The following ZNF385C variants were observed in gnomAD, a reference collection of about 807,000 sequenced individuals.
The protein encoded by ZNF385C is zinc finger protein 385C.
In ZNF385C, 28 loss-of-function variants were observed where a neutral mutation model predicts 35.4. The observed-to-expected ratio is 0.79, with a 90% CI of 0.59 to 1.08. ZNF385C has a LOEUF of 1.08. ZNF385C is among the 50% of genes least tolerant of loss of function. The pLI, the probability that ZNF385C is intolerant of heterozygous loss-of-function variation, is 0.00. For synonymous variants in ZNF385C, 248 were observed against 248.2 expected (o/e 1.00, Z 0.01); for missense variants, 605 against 595.6 (o/e 1.02, Z -0.16).
chr17:42,074,732 G>A (rs73311606), intron 1 of ZNF385C, among the ~76,000 whole-genome samples: 48,865 of 152,130 alleles, frequency 0.32, 9,066 homozygotes, highest in African/African-American at 0.5. Flanking sequence ...GAGGACAGTC[G>A]TGGTATACCA....
At chr17:42,041,733 T>C (rs1190046807) in intron 2 of ZNF385C, among the ~76,000 whole-genome samples, 2 of 152,078 alleles carry the variant, frequency 1.3e-5, no homozygotes, top group African/African-American at 2.4e-5. Context: ...GTGTGCTGTT[T>C]CTCTATTTGT....
At chr17:42,039,936 G>A in intron 2 of ZNF385C, 1 of 1,231,240 alleles carries the variant, frequency 8.1e-7, no homozygotes, top group Non-Finnish European at 1.0e-6. Flanking sequence ...AGGCGGCTAG[G>A]GCGGCGAAGT....
At chr17:42,065,560 T>C (rs1239702454) in intron 1 of ZNF385C, among the ~76,000 whole-genome samples, 4 of 152,186 alleles carry the variant, frequency 2.6e-5, no homozygotes, top group African/African-American at 9.6e-5. Context: ...GCCACCCCCA[T>C]TCTCAGTAAG....
intron 2 of ZNF385C, chr17:42,043,489 G>A: frequency 4.2e-6 from 4 of 960,866 alleles, no homozygotes; most frequent in Non-Finnish European, 5.4e-6. Flanking sequence ...GAGGCAGGCT[G>A]GGGGCAGCCC....
chr17:42,047,197 A>T (rs183259091), intron 2 of ZNF385C, among the ~76,000 whole-genome samples: 13 of 152,104 alleles, frequency 8.5e-5, no homozygotes, highest in Admixed American at 3.9e-4. Context: ...ATGCCCGGCT[A>T]ATTTTTTTGT....
chr17:42,037,812 C>T lies in ZNF385C; in HGVS notation c.324G>A (p.Pro108=), dbSNP rs60110245. ...LPLPTRPLQP[P]LDFKHLLAFH... ...AGGCGAGCAAGTGCTTGAAGTCCAG[C>T]GGGGGCTGCAGAGGCCGGGTGGGCA... Residue 108 remains proline, a synonymous_variant, in exon 3 of 9, where the codon CCG becomes CCA. Coordinates refer to ENST00000692273, the MANE Select transcript of ZNF385C (RefSeq NM_001392013.1). 0.083 allele frequency: 126,905 copies of T among 1,523,828 alleles called. 5,967 individuals carry two copies. The highest frequency in any genetic ancestry group is 0.19 in the African/African-American group (13,558 of 72,410). The allele number at this position is 1,523,828 out of a possible 1,614,324, so 94.4% of individuals were successfully genotyped here.
chr17:42,094,539 A>T (rs1555660841), intron 1 of ZNF385C, among the ~76,000 whole-genome samples: 2 of 152,204 alleles, frequency 1.3e-5, no homozygotes, highest in Admixed American at 1.3e-4. Context: ...AGACTCACAG[A>T]AAAAAGAGCT....
chr17:42,040,301 C>T (rs2052984984), intron 2 of ZNF385C: 14 of 1,231,706 alleles, frequency 1.1e-5, no homozygotes, highest in Non-Finnish European at 1.3e-5. Flanking sequence ...TCGGAGTAAC[C>T]GAGCAGCTCC....
rs1281928612 is a variant in ZNF385C at position 42,041,055 on chromosome 17, G to A, written c.251-3170C>T. ...TGGTGGCGGGCTGGCCATCACAGGG[G>A]GACACTGAAGTGGCAAACAGGGCCA... On this transcript the variant is annotated intron_variant, in intron 2 of 8. Coordinates refer to ENST00000692273, the MANE Select transcript of ZNF385C (RefSeq NM_001392013.1). 3.7e-5 allele frequency: 45 copies of A among 1,232,358 alleles called. No homozygotes were observed. The East Asian group carries it at 1.1e-3, about 29-fold the overall frequency. The allele number at this position is 1,232,358 out of a possible 1,614,324, so 76.3% of individuals were successfully genotyped here. A position where few individuals can be genotyped will look rare whatever the true frequency, so the allele number is the denominator to read the frequency against.
intron 2 of ZNF385C, chr17:42,043,182 A>G: frequency 1.6e-6 from 2 of 1,232,198 alleles, no homozygotes; most frequent in Non-Finnish European, 2.0e-6. Context: ...CTGTGCCCAC[A>G]GTGAAGGCGT....
At position 42,026,765 on chromosome 17, in the gene ZNF385C, G is replaced by T; in HGVS notation, c.*132C>A. ...GGCAGCTGCCCTTAAAACTAGCCCA[G>T]CTCTTTCTGGATCGGGCAGGACCCC... On this transcript the variant is annotated 3_prime_UTR_variant, in exon 9 of 9. Coordinates refer to ENST00000692273, the MANE Select transcript of ZNF385C (RefSeq NM_001392013.1). 1 of 910,710 alleles carries T rather than the reference G, an allele frequency of 1.1e-6. No individual in the cohort carries two copies. Among genetic ancestry groups the T allele is most frequent in the Non-Finnish European group, 1.8e-6 (1 of 568,022 alleles). The allele number at this position is 910,710 out of a possible 1,614,324, so 56.4% of individuals were successfully genotyped here. A position where few individuals can be genotyped will look rare whatever the true frequency, so the allele number is the denominator to read the frequency against.
chr17:42,029,645 T>G (rs1289492165), intron 5 of ZNF385C, among the ~76,000 whole-genome samples: 2 of 149,930 alleles, frequency 1.3e-5, no homozygotes, highest in African/African-American at 4.9e-5. Flanking sequence ...ACCTGCAAGG[T>G]GGAGGTTACA....
intron 2 of ZNF385C, among the ~76,000 whole-genome samples, chr17:42,045,606 C>T (rs1463003595): frequency 6.6e-6 from 1 of 152,200 alleles, no homozygotes; most frequent in Non-Finnish European, 1.5e-5. Flanking sequence ...GACCTCCTGA[C>T]CCCAAAGGCT....
At chr17:42,091,286 C>G (rs2053861648) in intron 1 of ZNF385C, among the ~76,000 whole-genome samples, 1 of 152,058 alleles carries the variant, frequency 6.6e-6, no homozygotes, top group Admixed American at 6.5e-5. Context: ...GAAAATGTAA[C>G]AAAATTATCC....
At chr17:42,064,073 T>C (rs868919547) in intron 1 of ZNF385C, among the ~76,000 whole-genome samples, 201 of 129,828 alleles carry the variant, frequency 1.5e-3, no homozygotes, top group East Asian at 4.3e-3. Context: ...CACACGCACA[T>C]ACACACACAC....
chr17:42,066,474 C>T (rs1367591974), intron 1 of ZNF385C, among the ~76,000 whole-genome samples: 2 of 152,090 alleles, frequency 1.3e-5, no homozygotes, highest in African/African-American at 2.4e-5. Flanking sequence ...GTTACCCCAT[C>T]GTTTGTTGAG....
chr17:42,038,139 G>A lies in ZNF385C; in HGVS notation c.251-254C>T, dbSNP rs8066861. ...GAGGGATGACCCTCCTGCCCCTACT[G>A]AGGCAGCATACTGAACCCCAGGGCA... On this transcript the variant is annotated intron_variant, in intron 2 of 8. Coordinates refer to ENST00000692273, the MANE Select transcript of ZNF385C (RefSeq NM_001392013.1). 1.9e-3 allele frequency: 2,767 copies of A among 1,459,030 alleles called. 42 individuals carry two copies. In the African/African-American group the frequency reaches 0.033, roughly 18 times the overall value. 90.4% of individuals were successfully genotyped at this position (1,459,030 alleles called of 1,614,324 possible).
chr17:42,051,230 G>T (rs1555657097), intron 2 of ZNF385C, among the ~76,000 whole-genome samples: 2 of 151,950 alleles, frequency 1.3e-5, no homozygotes, highest in African/African-American at 4.8e-5. Context: ...GCCTCCTCCG[G>T]AGGAGTTGGA....
intron 2 of ZNF385C, chr17:42,038,323 A>C: frequency 6.9e-6 from 3 of 437,304 alleles, no homozygotes; most frequent in South Asian, 3.2e-5. Context: ...CTCTCTAACT[A>C]TCCTCCCTCC....
Sources: allele counts gnomAD v4.1 joint callset (sites outside exome capture counted in the v4.1 genomes callset), GRCh38; gene constraint gnomAD v4.1.1; transcripts MANE v1.5; gene names NCBI Gene and HGNC (gene_info 2026-07-23, HGNC 2026-07-21).